NEGR1: variants seen among roughly 807,000 people sequenced by gnomAD.
NEGR1 encodes neuronal growth regulator 1.
Under a neutral mutation model 40.9 loss-of-function variants are expected in NEGR1, and 10 were observed. The observed-to-expected ratio is 0.24, with a 90% CI of 0.15 to 0.42. The LOEUF (loss-of-function observed/expected upper bound fraction) is 0.42, where lower values mean the gene tolerates loss of function less well. Among genes scored for constraint, NEGR1 ranks in the 10% least tolerant of loss-of-function variants. The probability of loss-of-function intolerance (pLI) is 1.00; values close to 1 mark genes in which losing one functional copy is unlikely to be tolerated. For synonymous variants in NEGR1, 185 were observed against 166.8 expected (o/e 1.11, Z -0.84); for missense variants, 352 against 438.9 (o/e 0.80, Z 1.77).
chr1:72,135,200 C>A (rs1186787472), intron 1 of NEGR1, among the ~76,000 whole-genome samples: 2 of 149,712 alleles, frequency 1.3e-5, no homozygotes, highest in Non-Finnish European at 3.0e-5. Flanking sequence ...CACGGTGAAA[C>A]CCCGTCTGTA....
chr1:71,924,575 A>G (rs919616552), intron 2 of NEGR1, among the ~76,000 whole-genome samples: 1 of 152,204 alleles, frequency 6.6e-6, no homozygotes, highest in African/African-American at 2.4e-5. Flanking sequence ...AATGAGCAAA[A>G]TCCTCAGATA....
At chr1:72,037,036 T>G (rs1041218927) in intron 1 of NEGR1, among the ~76,000 whole-genome samples, 3 of 152,152 alleles carry the variant, frequency 2.0e-5, no homozygotes, top group African/African-American at 7.2e-5. Flanking sequence ...GGAACAAAGT[T>G]AATAATTGTA....
At chr1:72,082,766 G>A (rs947856197) in intron 1 of NEGR1, among the ~76,000 whole-genome samples, 7 of 150,258 alleles carry the variant, frequency 4.7e-5, no homozygotes, top group African/African-American at 1.7e-4. Context: ...CTCTTATTTA[G>A]TGCCTTGTTG....
intron 1 of NEGR1, among the ~76,000 whole-genome samples, chr1:72,079,935 G>A (rs1376564869): frequency 6.6e-6 from 1 of 151,978 alleles, no homozygotes; most frequent in African/African-American, 2.4e-5. Flanking sequence ...AACAGAATCC[G>A]AGATTATATT....
chr1:72,220,157 C>T (rs1033150683), intron 1 of NEGR1, among the ~76,000 whole-genome samples: 5 of 151,560 alleles, frequency 3.3e-5, no homozygotes, highest in Non-Finnish European at 5.9e-5. Flanking sequence ...TTACAATTAC[C>T]AATTAAATCT....
At chr1:72,183,421 A>G (rs1211809627) in intron 1 of NEGR1, among the ~76,000 whole-genome samples, 1 of 152,066 alleles carries the variant, frequency 6.6e-6, no homozygotes, top group Non-Finnish European at 1.5e-5. Flanking sequence ...GTTTTCTTCA[A>G]TCCTCCTTCC....
rs534710698 is a variant in NEGR1 at position 72,165,261 on chromosome 1, C to T, written c.176+117058G>A. ...CACAAATGTTCAGAACATAGCTTAG[C>T]GGTGAACCATATTTTGATATACAGA... On this transcript the variant is annotated intron_variant, in intron 1 of 6. Coordinates refer to ENST00000357731, the MANE Select transcript of NEGR1 (RefSeq NM_173808.3). 9.9e-5 allele frequency among the ~76,000 whole-genome samples: 15 copies of T among 151,980 alleles called. No homozygotes were observed. In the South Asian group the frequency reaches 1.5e-3, roughly 15 times the overall value.
At chr1:71,425,875 C>T (rs1646425249) in intron 6 of NEGR1, among the ~76,000 whole-genome samples, 1 of 152,062 alleles carries the variant, frequency 6.6e-6, no homozygotes, top group Admixed American at 6.6e-5. Flanking sequence ...AAAATCAGGA[C>T]AAAAAACACC....
intron 1 of NEGR1, among the ~76,000 whole-genome samples, chr1:72,125,195 A>G (rs1649964530): frequency 6.6e-6 from 1 of 152,072 alleles, no homozygotes; most frequent in Non-Finnish European, 1.5e-5. Context: ...TCTATCTAAG[A>G]AAAATACACA....
intron 3 of NEGR1, among the ~76,000 whole-genome samples, chr1:71,764,826 G>A (rs1487480643): frequency 1.3e-5 from 2 of 152,112 alleles, no homozygotes; most frequent in African/African-American, 2.4e-5. Context: ...CTTGATAATG[G>A]GTGCCTCATG....
Position 71,860,198 on chromosome 1 carries a change from TAA to T in NEGR1, c.409+74879_409+74880del, listed in dbSNP as rs35933746. On this transcript the variant is annotated intron_variant, in intron 2 of 6. Coordinates refer to ENST00000357731, the MANE Select transcript of NEGR1 (RefSeq NM_173808.3). ...GAGGGCAGTCAAAATTCTCATCATT[TAA>T]AAAAAAAAAAACAACTATTCACAAA... 9.0e-3 allele frequency among the ~76,000 whole-genome samples: 1,316 copies of T among 146,560 alleles called. 7 individuals are homozygous for T. The highest frequency in any genetic ancestry group is 0.024 in the Middle Eastern group (7 of 286).
At chr1:71,480,000 C>A (rs2101370573) in intron 6 of NEGR1, among the ~76,000 whole-genome samples, 1 of 151,880 alleles carries the variant, frequency 6.6e-6, no homozygotes, top group African/African-American at 2.4e-5. Context: ...TGGGAGGGCT[C>A]ACTTGTAAAT....
At chr1:72,199,142 TAGACAGAC>T (rs200967252) in intron 1 of NEGR1, among the ~76,000 whole-genome samples, 8 of 143,066 alleles carry the variant, frequency 5.6e-5, no homozygotes, top group African/African-American at 2.1e-4. Flanking sequence ...TCTATCTAGA[TAGACAGAC>T]AGAGAGAGAG....
chr1:72,267,411 T>G (rs1655684050), intron 1 of NEGR1, among the ~76,000 whole-genome samples: 1 of 150,036 alleles, frequency 6.7e-6, no homozygotes, highest in African/African-American at 2.5e-5. Context: ...ATCAAGAATT[T>G]TCATTTTAGG....
At chr1:71,974,338 A>G (rs1291706649) in intron 1 of NEGR1, among the ~76,000 whole-genome samples, 2 of 152,236 alleles carry the variant, frequency 1.3e-5, no homozygotes, top group Admixed American at 6.5e-5. Flanking sequence ...ATGAAAATAA[A>G]CAAAATGAAT....
At chr1:72,166,864 G>A (rs960230081) in intron 1 of NEGR1, among the ~76,000 whole-genome samples, 1 of 151,552 alleles carries the variant, frequency 6.6e-6, no homozygotes, top group Non-Finnish European at 1.5e-5. Flanking sequence ...TAGTATTTGT[G>A]TATATATATA....
At chr1:72,150,476 G>A (rs1651079359) in intron 1 of NEGR1, among the ~76,000 whole-genome samples, 1 of 152,116 alleles carries the variant, frequency 6.6e-6, no homozygotes, top group Admixed American at 6.5e-5. Flanking sequence ...ACTCTTTGAT[G>A]GTTGTCAAAC....
At chr1:71,538,391 TG>T (rs1312437388) in intron 6 of NEGR1, among the ~76,000 whole-genome samples, 1 of 151,730 alleles carries the variant, frequency 6.6e-6, no homozygotes, top group Non-Finnish European at 1.5e-5. Flanking sequence ...TAGAGGTGTG[TG>T]TGAGTTATCT....
intron 6 of NEGR1, among the ~76,000 whole-genome samples, chr1:71,496,646 G>A (rs1172546792): frequency 6.6e-6 from 1 of 151,760 alleles, no homozygotes; most frequent in Non-Finnish European, 1.5e-5. Flanking sequence ...ATCTCAAATA[G>A]GCATCCTGGA....
Sources: allele counts gnomAD v4.1 joint callset (sites outside exome capture counted in the v4.1 genomes callset), GRCh38; gene constraint gnomAD v4.1.1; transcripts MANE v1.5; gene names NCBI Gene and HGNC (gene_info 2026-07-23, HGNC 2026-07-21).